CADM2: variants seen among roughly 807,000 people sequenced by gnomAD.
CADM2 encodes cell adhesion molecule 2, also known as immunoglobulin superfamily member 4D.
A neutral mutation model predicts 49.8 loss-of-function variants in CADM2; 12 were observed. The observed-to-expected ratio is 0.24, with a 90% CI of 0.15 to 0.39. CADM2 has a LOEUF of 0.39. Among genes scored for constraint, CADM2 ranks in the 10% least tolerant of loss-of-function variants. The pLI, the probability that CADM2 is intolerant of heterozygous loss-of-function variation, is 1.00. For synonymous variants in CADM2, 214 were observed against 175.4 expected (o/e 1.22, Z -1.74); for missense variants, 378 against 492.3 (o/e 0.77, Z 2.20).
chr3:85,466,522 A>G (rs550471350), intron 1 of CADM2, among the ~76,000 whole-genome samples: 1 of 152,280 alleles, frequency 6.6e-6, no homozygotes, highest in South Asian at 2.1e-4. Flanking sequence ...TGGTAGTCAC[A>G]ACTCTAGCTT....
At chr3:85,109,030 G>T (rs529108573) in intron 1 of CADM2, among the ~76,000 whole-genome samples, 27 of 152,076 alleles carry the variant, frequency 1.8e-4, no homozygotes, top group African/African-American at 4.8e-4. Flanking sequence ...ATTTTGTGTG[G>T]TTTTTAACAA....
At chr3:85,224,548 G>A (rs2042110926) in intron 1 of CADM2, among the ~76,000 whole-genome samples, 1 of 152,116 alleles carries the variant, frequency 6.6e-6, no homozygotes, top group Non-Finnish European at 1.5e-5. Flanking sequence ...CCATTCTGTA[G>A]GTTGCTTGTT....
intron 1 of CADM2, among the ~76,000 whole-genome samples, chr3:85,711,486 C>T: frequency 6.6e-6 from 1 of 152,116 alleles, no homozygotes; most frequent in East Asian, 1.9e-4. Flanking sequence ...ACTAATATCA[C>T]CTCTAAAACA....
At chr3:86,031,346 A>T (rs1578005006) in intron 8 of CADM2, among the ~76,000 whole-genome samples, 1 of 151,822 alleles carries the variant, frequency 6.6e-6, no homozygotes, top group African/African-American at 2.4e-5. Flanking sequence ...AATTATAAAC[A>T]TTAAGATATG....
chr3:85,276,867 G>C (rs1179523044), intron 1 of CADM2, among the ~76,000 whole-genome samples: 1 of 151,282 alleles, frequency 6.6e-6, no homozygotes, highest in African/African-American at 2.4e-5. Flanking sequence ...GAATAATGGG[G>C]CAGTATACTG....
intron 8 of CADM2, among the ~76,000 whole-genome samples, chr3:85,986,286 GA>G (rs1258223495): frequency 1.3e-5 from 2 of 151,928 alleles, no homozygotes; most frequent in South Asian, 2.1e-4. Flanking sequence ...AGTACTGAGG[GA>G]AAAAAATGAA....
At chr3:85,195,304 C>T (rs763055177) in intron 1 of CADM2, among the ~76,000 whole-genome samples, 3 of 152,032 alleles carry the variant, frequency 2.0e-5, no homozygotes, top group African/African-American at 4.8e-5. Flanking sequence ...TTCAAGTCTC[C>T]TGCCTCTCAT....
chr3:85,552,762 T>G (rs1257644550), intron 1 of CADM2, among the ~76,000 whole-genome samples: 1 of 151,022 alleles, frequency 6.6e-6, no homozygotes, highest in African/African-American at 2.4e-5. Context: ...CTGCAACCTC[T>G]GCCTCCCGGG....
intron 8 of CADM2, among the ~76,000 whole-genome samples, chr3:85,967,222 C>T (rs1050814460): frequency 1.3e-5 from 2 of 151,690 alleles, no homozygotes; most frequent in African/African-American, 4.8e-5. Flanking sequence ...AACACAGGTT[C>T]CCTCTTCCAT....
chr3:85,012,866 CA>C (rs908516094), intron 1 of CADM2, among the ~76,000 whole-genome samples: 8 of 151,274 alleles, frequency 5.3e-5, no homozygotes, highest in South Asian at 2.1e-4. Context: ...TGCTACAGGA[CA>C]AAAAAAGTAC....
chr3:86,042,406 G>A (rs190067421), intron 8 of CADM2, among the ~76,000 whole-genome samples: 49 of 152,212 alleles, frequency 3.2e-4, no homozygotes, highest in South Asian at 2.1e-4. Context: ...TATCACTACC[G>A]ATCCCACAGA....
chr3:85,850,728 T>G (rs2075075384), intron 3 of CADM2, among the ~76,000 whole-genome samples: 1 of 152,204 alleles, frequency 6.6e-6, no homozygotes, highest in African/African-American at 2.4e-5. Flanking sequence ...TATTCCTGTT[T>G]GCATAAAGTT....
At chr3:85,945,654 A>G (rs1023482530) in intron 7 of CADM2, among the ~76,000 whole-genome samples, 9 of 152,184 alleles carry the variant, frequency 5.9e-5, no homozygotes, top group Admixed American at 5.9e-4. Flanking sequence ...AATCCAGCAT[A>G]TAAACAGAAC....
intron 1 of CADM2, among the ~76,000 whole-genome samples, chr3:85,454,484 C>T (rs954071646): frequency 1.3e-5 from 2 of 151,994 alleles, no homozygotes; most frequent in African/African-American, 2.4e-5. Context: ...TAACAAAAAT[C>T]GAAAGCTATT....
chr3:86,001,901 T>C (rs900576642), intron 8 of CADM2, among the ~76,000 whole-genome samples: 3 of 152,194 alleles, frequency 2.0e-5, no homozygotes, highest in Admixed American at 2.0e-4. Context: ...TCTCTTTCAT[T>C]TGGATACTGG....
At chr3:85,389,220 CT>C (rs1452079564) in intron 1 of CADM2, among the ~76,000 whole-genome samples, 1 of 152,034 alleles carries the variant, frequency 6.6e-6, no homozygotes, top group East Asian at 1.9e-4. Flanking sequence ...CACAATTTTG[CT>C]TAGTGAAGTA....
intron 1 of CADM2, among the ~76,000 whole-genome samples, chr3:85,410,730 T>C (rs1445463316): frequency 6.6e-6 from 1 of 152,130 alleles, no homozygotes; most frequent in Admixed American, 6.6e-5. Flanking sequence ...AACAAAATGT[T>C]TTAGGGACAC....
At chr3:85,373,039 C>G (rs2033364492) in intron 1 of CADM2, among the ~76,000 whole-genome samples, 2 of 151,958 alleles carry the variant, frequency 1.3e-5, no homozygotes, top group South Asian at 4.1e-4. Flanking sequence ...CTCCCAAATC[C>G]CATGTCTTCA....
intron 1 of CADM2, among the ~76,000 whole-genome samples, chr3:85,515,162 A>G (rs2060861257): frequency 6.6e-6 from 1 of 152,174 alleles, no homozygotes; most frequent in Non-Finnish European, 1.5e-5. Flanking sequence ...TGACTGACCT[A>G]GAAATCAAAG....
Sources: gnomAD v4.1 joint callset for allele counts (sites outside exome capture counted in the v4.1 genomes callset) on GRCh38, gnomAD v4.1.1 for gene constraint, MANE v1.5 for transcripts, NCBI Gene and HGNC (gene_info 2026-07-23, HGNC 2026-07-21) for gene names.